OPCML: variants seen among roughly 807,000 people sequenced by gnomAD.
OPCML encodes opioid binding protein/cell adhesion molecule like.
In OPCML, 13 loss-of-function variants were observed where a neutral mutation model predicts 37.8. The observed-to-expected ratio is 0.34, with a 90% CI of 0.22 to 0.55. The LOEUF is 0.55. OPCML is among the 20% of genes least tolerant of loss of function. OPCML has a pLI of 0.91. For missense variants in OPCML, 341 were observed against 435.6 expected (o/e 0.78, Z 1.93); for synonymous variants, 176 against 168.8 (o/e 1.04, Z -0.33).
Position 132,819,753 on chromosome 11 carries a change from A to G in OPCML, c.146+123173T>C, listed in dbSNP as rs549973137. Among the ~76,000 whole-genome samples, 12 of 152,294 alleles carry G rather than the reference A, an allele frequency of 7.9e-5. No homozygotes were observed. The South Asian group carries it at 2.5e-3, about 32-fold the overall frequency. On this transcript the variant is annotated intron_variant, in intron 2 of 7. Transcript: ENST00000524381. The stretch of plus-strand genomic sequence containing the variant: ...TGCTTTTCTTCTCTCAATTATCTAT[A>G]TTTCCCTCAAGAAATACAACAAGAG...
chr11:133,481,336 C>T (rs914895718), intron 1 of OPCML, among the ~76,000 whole-genome samples: 11 of 151,762 alleles, frequency 7.2e-5, no homozygotes, highest in African/African-American at 2.2e-4. Context: ...AGAGTCAAGC[C>T]CAGAAAAGGG....
chr11:133,052,303 A>C lies in OPCML; in HGVS notation c.62-109293T>G, dbSNP rs12271809. On this transcript the variant is annotated intron_variant, in intron 1 of 7. Transcript: ENST00000524381. Reference sequence around the variant, plus strand: ...ACTAAATCAAGTGAAACAGACCAGCATTATAGAATAATCATTTGAGGTCAC... The same window carrying C: ...ACTAAATCAAGTGAAACAGACCAGCCTTATAGAATAATCATTTGAGGTCAC... 4.0e-3 allele frequency among the ~76,000 whole-genome samples: 614 copies of C among 152,354 alleles called. 4 individuals carry two copies. The highest frequency in any genetic ancestry group is 6.9e-3 in the Non-Finnish European group (472 of 68,038).
chr11:133,154,141 A>T (rs1176770748), intron 1 of OPCML, among the ~76,000 whole-genome samples: 1 of 151,830 alleles, frequency 6.6e-6, no homozygotes, highest in Admixed American at 6.6e-5. Flanking sequence ...TCCCTAGGGG[A>T]TGTGCGGAGC....
At chr11:133,325,854 T>C (rs1269599808) in intron 1 of OPCML, among the ~76,000 whole-genome samples, 1 of 152,204 alleles carries the variant, frequency 6.6e-6, no homozygotes, top group Non-Finnish European at 1.5e-5. Flanking sequence ...TTTCCTGCAA[T>C]GCGGCCCTCT....
intron 1 of OPCML, among the ~76,000 whole-genome samples, chr11:133,224,508 C>T (rs975557396): frequency 1.3e-5 from 2 of 152,162 alleles, no homozygotes; most frequent in Non-Finnish European, 2.9e-5. Flanking sequence ...GCCAAGCTTC[C>T]CTCCAAGAGA....
intron 2 of OPCML, among the ~76,000 whole-genome samples, chr11:132,787,409 C>T (rs1947251923): frequency 6.6e-6 from 1 of 152,078 alleles, no homozygotes; most frequent in Non-Finnish European, 1.5e-5. Flanking sequence ...AAACAAAAAG[C>T]ACTTTATGAA....
At chr11:133,330,714 A>T (rs1565576174) in intron 1 of OPCML, among the ~76,000 whole-genome samples, 15 of 152,030 alleles carry the variant, frequency 9.9e-5, no homozygotes. Flanking sequence ...GAAGGATAGC[A>T]TAGGAGATAT....
chr11:133,458,889 G>T (rs1012465437), intron 1 of OPCML, among the ~76,000 whole-genome samples: 2 of 149,062 alleles, frequency 1.3e-5, no homozygotes, highest in Admixed American at 1.3e-4. Context: ...ACACACATGT[G>T]TGTGTATATA....
chr11:132,425,180 C>G (rs1415576432), intron 7 of OPCML, among the ~76,000 whole-genome samples: 5 of 152,240 alleles, frequency 3.3e-5, no homozygotes, highest in South Asian at 4.1e-4. Context: ...AAGACAGAAA[C>G]AGTCCATACC....
At chr11:133,149,258 C>T (rs1949940553) in intron 1 of OPCML, among the ~76,000 whole-genome samples, 1 of 152,214 alleles carries the variant, frequency 6.6e-6, no homozygotes, top group South Asian at 2.1e-4. Context: ...GAACTGGTAA[C>T]GGACGACATT....
intron 2 of OPCML, among the ~76,000 whole-genome samples, chr11:132,727,232 T>G (rs1944918107): frequency 6.6e-6 from 1 of 151,778 alleles, no homozygotes; most frequent in Non-Finnish European, 1.5e-5. Flanking sequence ...TGAGGTCACG[T>G]GGTTAGGTAA....
At chr11:133,262,730 T>C (rs539389101) in intron 1 of OPCML, among the ~76,000 whole-genome samples, 44 of 152,244 alleles carry the variant, frequency 2.9e-4, no homozygotes, top group African/African-American at 7.7e-4. Context: ...ATACCCTGAC[T>C]GTGGAGTGGG....
chr11:133,130,186 A>G (rs1282454816), intron 1 of OPCML, among the ~76,000 whole-genome samples: 1 of 152,114 alleles, frequency 6.6e-6, no homozygotes, highest in Admixed American at 6.6e-5. Context: ...AAGAATAATG[A>G]CAGATTAGAC....
At chr11:133,428,375 T>A (rs1394065180) in intron 1 of OPCML, among the ~76,000 whole-genome samples, 1 of 152,162 alleles carries the variant, frequency 6.6e-6, no homozygotes, top group African/African-American at 2.4e-5. Context: ...TGCAGAAGTT[T>A]TAGGCAAGGC....
At chr11:133,444,983 C>T (rs1452518907) in intron 1 of OPCML, among the ~76,000 whole-genome samples, 1 of 140,672 alleles carries the variant, frequency 7.1e-6, no homozygotes, top group East Asian at 2.1e-4. Context: ...TGAAAAGTCA[C>T]CAAGAGACCA....
chr11:132,858,944 A>G (rs1942179665), intron 2 of OPCML, among the ~76,000 whole-genome samples: 1 of 152,204 alleles, frequency 6.6e-6, no homozygotes, highest in Non-Finnish European at 1.5e-5. Flanking sequence ...TGGAAATCAG[A>G]AGAGTATTCC....
chr11:132,531,821 C>CT (rs995056509), intron 3 of OPCML, among the ~76,000 whole-genome samples: 6 of 150,466 alleles, frequency 4.0e-5, no homozygotes, highest in Non-Finnish European at 8.8e-5. Context: ...AATGTCAATA[C>CT]TTTTTTCACT....
intron 1 of OPCML, among the ~76,000 whole-genome samples, chr11:133,169,940 G>T (rs1336978224): frequency 6.6e-6 from 1 of 152,114 alleles, no homozygotes; most frequent in African/African-American, 2.4e-5. Flanking sequence ...TTGTTTGTGG[G>T]CTATGAAGAA....
intron 1 of OPCML, among the ~76,000 whole-genome samples, chr11:133,460,866 G>A (rs1946842750): frequency 6.6e-6 from 1 of 151,788 alleles, no homozygotes; most frequent in African/African-American, 2.4e-5. Flanking sequence ...CATATTAAAA[G>A]GGTTATACAC....
Sources: gnomAD v4.1 joint callset for allele counts (sites outside exome capture counted in the v4.1 genomes callset) on GRCh38, gnomAD v4.1.1 for gene constraint, MANE v1.5 for transcripts, NCBI Gene and HGNC (gene_info 2026-07-23, HGNC 2026-07-21) for gene names.